Variants in CLK3 observed in about 807,000 individuals in gnomAD.
CLK3 encodes CDC like kinase 3, also known as dual specificity protein kinase CLK3.
In CLK3, 24 loss-of-function variants were observed where a neutral mutation model predicts 65.2. The observed-to-expected ratio is 0.37, with a 90% CI of 0.27 to 0.52. The LOEUF is 0.52. Among genes scored for constraint, CLK3 ranks in the 20% least tolerant of loss-of-function variants. The pLI is 0.92. For synonymous variants in CLK3, 252 were observed against 240.8 expected, an observed-to-expected ratio of 1.05 and a Z score of -0.43; for missense variants, 506 against 660.0, an observed-to-expected ratio of 0.77 and a Z score of 2.56.
chr15:74,623,258 T>C (rs1248646643), intron 5 of CLK3, among the ~76,000 whole-genome samples: 1 of 152,242 alleles, frequency 6.6e-6, no homozygotes, highest in Non-Finnish European at 1.5e-5. Context: ...AGGGAGCCAG[T>C]TGCCACCCTG....
intron 1 of CLK3, among the ~76,000 whole-genome samples, chr15:74,617,907 A>T (rs1476746490): frequency 6.6e-6 from 1 of 152,218 alleles, no homozygotes; most frequent in East Asian, 1.9e-4. Flanking sequence ...TGGGGAGGTG[A>T]TTTCACAAAA....
intron 5 of CLK3, chr15:74,623,608 G>A (rs1352174184): frequency 6.6e-6 from 1 of 152,228 alleles, no homozygotes; most frequent in Non-Finnish European, 1.5e-5. Context: ...ACCAGTGGGT[G>A]GAGGGACATG....
At chr15:74,615,932 C>T (rs761641730) in intron 1 of CLK3, 34 bp downstream of exon 1, 1 of 1,217,212 alleles carries the variant, frequency 8.2e-7, no homozygotes, top group South Asian at 3.8e-5. Context: ...GCGGCGACAG[C>T]GGCGGCGGCG....
intron 7 of CLK3, among the ~76,000 whole-genome samples, chr15:74,626,514 C>G (rs990954964): frequency 6.6e-6 from 1 of 152,246 alleles, no homozygotes; most frequent in African/African-American, 2.4e-5. Context: ...CGCTCCCCTA[C>G]CCTGAGCACT....
chr15:74,613,375 T>A (rs1375121519), upstream of CLK3: 1 of 152,154 alleles, frequency 6.6e-6, no homozygotes, highest in Admixed American at 6.5e-5. Context: ...GCAAGCCTCC[T>A]CTGAGGTGGG....
chr15:74,611,900 C>T (rs891619982), upstream of CLK3, among the ~76,000 whole-genome samples: 2 of 152,242 alleles, frequency 1.3e-5, no homozygotes, highest in Admixed American at 6.5e-5. Context: ...TTTGGCTGAG[C>T]ACGCACTAAA....
chr15:74,623,131 T>C (rs2062116595), intron 5 of CLK3, among the ~76,000 whole-genome samples: 1 of 152,178 alleles, frequency 6.6e-6, no homozygotes, highest in South Asian at 2.1e-4. Flanking sequence ...GTGTGTGTCA[T>C]GCTGCACCTC....
rs1210570741 is a variant in CLK3 at position 74,622,982 on chromosome 15, T to C, written c.533+422T>C. Among the ~76,000 whole-genome samples, 2 of 152,216 alleles carry C rather than the reference T, an allele frequency of 1.3e-5. No individual in the cohort carries two copies. Among genetic ancestry groups the C allele is most frequent in the African/African-American group, 4.8e-5 (2 of 41,450 alleles). ...GCATAAGTCCCATTCCCTGAGGGTC[T>C]GCCTGAGAGGCTGTGCAGATCTCAG... On this transcript the variant is annotated intron_variant, in intron 5 of 12. Transcript: ENST00000395066. The surrounding 1 kb of genome is among the most constrained non-coding windows in gnomAD (Gnocchi z 4.6).
rs186921543 is a variant in CLK3, at chr15:74,622,574, G to A, written c.533+14G>A. ...GGACCATGCCAGGTGAGCGAGCTGC[G>A]GCAGTACAGCTGGCTCCGGATGTGA... On this transcript the variant is annotated intron_variant, in intron 5 of 12. Coordinates refer to ENST00000395066, the MANE Select transcript of CLK3 (RefSeq NM_001130028.2). This position sits in a 1 kb window ranked among gnomAD's most constrained non-coding sequence, Gnocchi z 4.6. 206 of 1,602,090 alleles carry A rather than the reference G, an allele frequency of 1.3e-4. No individual in the cohort carries two copies. In the African/African-American group the frequency reaches 2.3e-3, roughly 18 times the overall value.
chr15:74,624,905 G>A lies in CLK3; in HGVS notation c.537G>A (p.Gly179=), dbSNP rs770968753. The A allele has an allele frequency of 1.9e-6, 3 of 1,602,804 alleles. No individual in the cohort carries two copies. The highest frequency in any genetic ancestry group is 2.6e-6 in the Non-Finnish European group (3 of 1,174,406). The change falls in exon 6 of 13, where the codon GGG becomes GGA. Residue 179 remains glycine, a synonymous_variant. Coordinates refer to ENST00000395066, the MANE Select transcript of CLK3 (RefSeq NM_001130028.2). The surrounding 1 kb of genome is among the most constrained non-coding windows in gnomAD (Gnocchi z 4.2). ...KVVECLDHAR[G]KSQVALKIIR... is the part of the protein sequence containing the mutation. ...CTGTTTCCTTCCCGGGTACCAGAGG[G>A]AAGTCTCAGGTTGCCCTGAAGATCA...
chr15:74,612,095 C>T (rs187458802), upstream of CLK3, among the ~76,000 whole-genome samples: 28 of 152,334 alleles, frequency 1.8e-4, no homozygotes, highest in East Asian at 2.1e-3. Context: ...TCTGGGGAGG[C>T]GCAGCAGGCA....
At position 74,628,588 on chromosome 15, in the gene CLK3, C is replaced by T. The variant is rs778886234; in HGVS notation, c.1126-16C>T. On this transcript the variant is annotated splice_polypyrimidine_tract_variant and intron_variant, in intron 10 of 12. Transcript: ENST00000395066. ...GCTAGTACTGACCCCCTTGCACTGT[C>T]CCTAATCTTCCACAGACCCACGAAA... The T allele has an allele frequency of 6.2e-7, 1 of 1,605,828 alleles. No individual in the cohort carries two copies. Among genetic ancestry groups the T allele is most frequent in the Non-Finnish European group, 8.5e-7 (1 of 1,173,760 alleles).
At chr15:74,626,242 C>G (rs2062142542) in intron 7 of CLK3, among the ~76,000 whole-genome samples, 2 of 152,218 alleles carry the variant, frequency 1.3e-5, no homozygotes, top group African/African-American at 4.8e-5. Context: ...TGGAATTGGC[C>G]TAACCACCAA....
At chr15:74,615,420 A>T (rs2062044617), upstream of CLK3, 4 of 1,264,344 alleles carry the variant, frequency 3.2e-6, no homozygotes, top group East Asian at 1.3e-4. Flanking sequence ...CACAGACCTC[A>T]GGCCGCTCTC....
Position 74,622,193 on chromosome 15 carries a change from T to C in CLK3, c.443T>C (p.Ile148Thr). 6.2e-7 allele frequency: 1 copy of C among 1,613,962 alleles called. No individual in the cohort carries two copies. The highest frequency in any genetic ancestry group is 8.5e-7 in the Non-Finnish European group (1 of 1,179,838). The change falls in exon 4 of 13, where the codon ATC becomes ACC. Residue 148 changes from isoleucine to threonine, a missense_variant. Around this residue, in one of 2 missense-constraint regions of CLK3, gnomAD observed 325 missense variants for 500.5 expected, o/e 0.65. Coordinates refer to ENST00000395066, the MANE Select transcript of CLK3 (RefSeq NM_001130028.2). The surrounding 1 kb of genome is among the most constrained non-coding windows in gnomAD (Gnocchi z 4.6). ...AAGGAGGGTCACCTGGTGTGCCGGA[T>C]CGGCGATTGGCTCCAAGAGCGATGT... ...DDKEGHLVCR[I>T]GDWLQERYEI...
At chr15:74,617,752 CT>C (rs1309342243) in intron 1 of CLK3, among the ~76,000 whole-genome samples, 2 of 152,218 alleles carry the variant, frequency 1.3e-5, no homozygotes, top group Non-Finnish European at 2.9e-5. Flanking sequence ...GACATGTGCC[CT>C]GGCCAATAGA....
Position 74,621,760 on chromosome 15 carries a change from AG to A in CLK3, c.370-357del, listed in dbSNP as rs907092585. 8.5e-6 allele frequency: 3 copies of A among 354,248 alleles called. No individual in the cohort carries two copies. In the Admixed American group the frequency reaches 1.1e-4, roughly 13 times the overall value. The allele number at this position is 354,248 out of a possible 1,614,324, so 21.9% of individuals were successfully genotyped here. A position where few individuals can be genotyped will look rare whatever the true frequency, so the allele number is the denominator to read the frequency against. On this transcript the variant is annotated intron_variant, in intron 3 of 12. Coordinates refer to ENST00000395066, the MANE Select transcript of CLK3 (RefSeq NM_001130028.2). The surrounding 1 kb of genome is among the most constrained non-coding windows in gnomAD (Gnocchi z 4.8). ...GGGAGAGACTCGGAGGAGGAGGAGG[AG>A]GGAGTCGGGGCGATGGCTCTCCTCA...
In CLK3 at chr15:74,627,871, G is replaced by C; in HGVS notation, c.1043-99G>C. 8.2e-7 allele frequency: 1 copy of C among 1,213,088 alleles called. No homozygotes were observed. The highest frequency in any genetic ancestry group is 1.3e-5 in the South Asian group (1 of 79,416). The allele number at this position is 1,213,088 out of a possible 1,614,324, so 75.1% of individuals were successfully genotyped here. ...GAGAGAGGGCCTCGTACTGGGATTT[G>C]GGCAAGAGTCCTGCCAGCCGGTGTG... On this transcript the variant is annotated intron_variant, in intron 9 of 12. Coordinates refer to ENST00000395066, the MANE Select transcript of CLK3 (RefSeq NM_001130028.2). This position sits in a 1 kb window ranked among gnomAD's most constrained non-coding sequence, Gnocchi z 4.3.
chr15:74,620,321 C>T (rs2062092123), intron 3 of CLK3, 96 bp downstream of exon 3: 3 of 1,535,894 alleles, frequency 2.0e-6, no homozygotes, highest in African/African-American at 1.4e-5. Context: ...TACTGCCAGC[C>T]CTGTGCACGT....
Sources: gnomAD v4.1 joint callset for allele counts (sites outside exome capture counted in the v4.1 genomes callset) on GRCh38, gnomAD v4.1.1 for gene constraint, gnomAD v4.1.1 regional missense constraint, Gnocchi (gnomAD v3.1) non-coding constraint, MANE v1.5 for transcripts, NCBI Gene and HGNC (gene_info 2026-07-23, HGNC 2026-07-21) for gene names.